Variants in HOXA3 observed in about 807,000 individuals in gnomAD.
The protein encoded by HOXA3 is homeobox A3.
Under a neutral mutation model 30.3 loss-of-function variants are expected in HOXA3, and 8 were observed. The ratio of observed to expected loss-of-function variants is 0.26; its 90% confidence interval spans 0.15 to 0.48. The LOEUF is 0.48. HOXA3 is among the 20% of genes least tolerant of loss of function. The probability of loss-of-function intolerance (pLI) is 0.99; values close to 1 mark genes in which losing one functional copy is unlikely to be tolerated. For missense variants in HOXA3, 653 were observed against 614.4 expected (o/e 1.06, Z -0.66); for synonymous variants, 323 against 273.1 (o/e 1.18, Z -1.80).
Position 27,113,300 on chromosome 7 carries a change from C to T in HOXA3, c.-120-2540G>A, listed in dbSNP as rs888080774. 3.3e-5 allele frequency among the ~76,000 whole-genome samples: 5 copies of T among 152,214 alleles called. No homozygotes were observed. The highest frequency in any genetic ancestry group is 1.2e-4 in the African/African-American group (5 of 41,448). ...ACCTCCGTCCTTCAGACATCGCTCC[C>T]TCTTCCCATTCCCTCCTCTTTCTTA... On this transcript the variant is annotated intron_variant, in intron 4 of 5. Transcript: ENST00000612286. The surrounding 1 kb of genome is among the most constrained non-coding windows in gnomAD (Gnocchi z 4.8).
At chr7:27,147,844 C>G (rs2128063126) in intron 1 of HOXA3, 1 of 1,163,366 alleles carries the variant, frequency 8.6e-7, no homozygotes, top group East Asian at 2.6e-5. Context: ...TCTGGATGGC[C>G]GAACGCCAAA....
rs529903815 is a variant in HOXA3, at chr7:27,130,149, G to A, written c.-389-3079C>T. 9.0e-5 allele frequency: 145 copies of A among 1,603,542 alleles called. 1 individual carries two copies. The South Asian group carries it at 1.4e-3, about 16-fold the overall frequency. On this transcript the variant is annotated intron_variant, in intron 2 of 5. Coordinates refer to ENST00000612286, the MANE Select transcript of HOXA3 (RefSeq NM_153631.3). ...TGACATGGATCTTCTTCATCCAGGG[G>A]TACACCACGGGCTCCTTGCCCTTCA...
chr7:27,130,916 TCCTCCC>T, intron 2 of HOXA3: 1 of 622,322 alleles, frequency 1.6e-6, no homozygotes, highest in Non-Finnish European at 2.8e-6. Context: ...TTCGAGCCGC[TCCTCCC>T]CAGCCCAGCG....
intron 1 of HOXA3, chr7:27,142,590 G>A: frequency 5.3e-6 from 1 of 187,440 alleles, no homozygotes; most frequent in Non-Finnish European, 1.1e-5. Flanking sequence ...GAATCCTGCA[G>A]GCTCTCGCCT....
chr7:27,115,731 A>T (rs910577839), intron 4 of HOXA3: 5 of 152,212 alleles, frequency 3.3e-5, no homozygotes, highest in Admixed American at 2.0e-4. Context: ...GCCCAGGGAG[A>T]TCTGGGGCGG....
chr7:27,147,472 C>G (rs1181569472), intron 1 of HOXA3: 4 of 1,614,012 alleles, frequency 2.5e-6, no homozygotes, highest in African/African-American at 1.3e-5. Flanking sequence ...CTGCTTGCCA[C>G]TGCCCGAGGG....
chr7:27,143,521 G>C (rs1299785201), intron 1 of HOXA3: 2 of 1,613,698 alleles, frequency 1.2e-6, no homozygotes, highest in Non-Finnish European at 1.7e-6. Context: ...GCTCGCTCAC[G>C]GAACTATGAT....
chr7:27,144,210 G>C (rs1330095380), intron 1 of HOXA3, among the ~76,000 whole-genome samples: 1 of 152,198 alleles, frequency 6.6e-6, no homozygotes, highest in Non-Finnish European at 1.5e-5. Flanking sequence ...CCTGCCAGCA[G>C]CTCTGAATTT....
Position 27,144,867 on chromosome 7 carries a change from C to G in HOXA3, c.-493-4681G>C, listed in dbSNP as rs535825381. 1.5e-3 allele frequency among the ~76,000 whole-genome samples: 229 copies of G among 152,368 alleles called. 3 individuals are homozygous for G. Among genetic ancestry groups the G allele is most frequent in the African/African-American group, 5.4e-3 (225 of 41,590 alleles). On this transcript the variant is annotated intron_variant, in intron 1 of 5. Coordinates refer to ENST00000612286, the MANE Select transcript of HOXA3 (RefSeq NM_153631.3). Reference sequence around the variant, plus strand: ...CGTCTGGAAGCCAGGACTCTGGCGGCTCCCATGGCCCTGGGCCCCTCGTTG... The same window carrying G: ...CGTCTGGAAGCCAGGACTCTGGCGGGTCCCATGGCCCTGGGCCCCTCGTTG...
intron 4 of HOXA3, among the ~76,000 whole-genome samples, chr7:27,112,262 C>T (rs1396805403): frequency 6.6e-6 from 1 of 152,046 alleles, no homozygotes; most frequent in Non-Finnish European, 1.5e-5. Context: ...GGTTAACATG[C>T]AATCCAACTA....
At chr7:27,140,031 G>GAGAGAGAGAGAGAGAGAGAGAGAC (rs1303752230) in intron 2 of HOXA3, 52 bp downstream of exon 2, 1 of 135,668 alleles carries the variant, frequency 7.4e-6, no homozygotes, top group Non-Finnish European at 1.6e-5. Flanking sequence ...GAGAGAGAGA[G>GAGAGAGAGAGAGAGAGAGAGAGAC]AAAGTTTCCA....
Position 27,110,733 on chromosome 7 carries a change from C to A in HOXA3, c.-93G>T. 1 of 1,565,686 alleles carries A rather than the reference C, an allele frequency of 6.4e-7. No individual in the cohort carries two copies. The highest frequency in any genetic ancestry group is 8.7e-7 in the Non-Finnish European group (1 of 1,149,838). ...CACGCCCCCGCGGTCACGTGACACT[C>A]CGCCGCCAATGGCCGCCCCGCGCAG... On this transcript the variant is annotated 5_prime_UTR_variant, in exon 5 of 6. Coordinates refer to ENST00000612286, the MANE Select transcript of HOXA3 (RefSeq NM_153631.3).
intron 5 of HOXA3, 84 bp downstream of exon 5, chr7:27,110,031 C>T: frequency 2.6e-6 from 4 of 1,526,942 alleles, no homozygotes; most frequent in Non-Finnish European, 3.6e-6. Flanking sequence ...TCCATCGCTC[C>T]TAGGCTGTGC....
intron 3 of HOXA3, chr7:27,122,900 TC>T (rs1391407023): frequency 1.8e-5 from 2 of 112,788 alleles, no homozygotes; most frequent in African/African-American, 6.1e-5. Context: ...TTCTCCTTTT[TC>T]TTTCTTTTTT....
intron 2 of HOXA3, among the ~76,000 whole-genome samples, chr7:27,132,446 T>C (rs1423566621): frequency 6.6e-6 from 1 of 152,254 alleles, no homozygotes; most frequent in African/African-American, 2.4e-5. Flanking sequence ...GCCTATTATA[T>C]GGGACTAATC....
intron 2 of HOXA3, among the ~76,000 whole-genome samples, chr7:27,131,361 C>T (rs1224987021): frequency 6.6e-6 from 1 of 152,214 alleles, no homozygotes; most frequent in Non-Finnish European, 1.5e-5. Context: ...CCCTTCCCCA[C>T]ACCCTGCTCC....
In HOXA3 at chr7:27,107,656, G is replaced by C. The variant is rs1427570798; in HGVS notation, c.*259C>G. On this transcript the variant is annotated 3_prime_UTR_variant, in exon 6 of 6. Coordinates refer to ENST00000612286, the MANE Select transcript of HOXA3 (RefSeq NM_153631.3). ...GGAGAAGGTAAAGGGTGCAGGGCCA[G>C]TGGCCTATCGAGGAGCAGGAAGAGA... 2.8e-5 allele frequency: 11 copies of C among 392,894 alleles called. No individual in the cohort carries two copies. The allele number at this position is 392,894 out of a possible 1,614,324, so 24.3% of individuals were successfully genotyped here.
At position 27,110,422 on chromosome 7, in the gene HOXA3, G is replaced by A; in HGVS notation, c.219C>T (p.Arg73=). The part of the protein sequence containing the change: ...KAHELSEACL[R]TLSAPPSQPP... Reference sequence around the variant, plus strand: ...GCTGGCTAGGTGGGGCGCTCAGGGTGCGCAGGCACGCCTCACTCAGTTCGT... The same window carrying A: ...GCTGGCTAGGTGGGGCGCTCAGGGTACGCAGGCACGCCTCACTCAGTTCGT... Residue 73 remains arginine, a synonymous_variant, in exon 5 of 6, where the codon CGC becomes CGT. Transcript: ENST00000612286. 1 of 1,554,276 alleles carries A rather than the reference G, an allele frequency of 6.4e-7. No individual in the cohort carries two copies. The highest frequency in any genetic ancestry group is 8.7e-7 in the Non-Finnish European group (1 of 1,151,744).
chr7:27,110,589 A>T lies in HOXA3; in HGVS notation c.52T>A (p.Tyr18Asn). The change falls in exon 5 of 6, where the codon TAC (tyrosine) becomes AAC (asparagine). Residue 18 changes from tyrosine to asparagine, a missense_variant. Coordinates refer to ENST00000612286, the MANE Select transcript of HOXA3 (RefSeq NM_153631.3). ...DSSAIYGGYPYQAANGFAYNA... is the reference protein window; with the variant it reads ...DSSAIYGGYPNQAANGFAYNA... ...TAAGCGAACCCGTTGGCTGCCTGGT[A>T]GGGGTAGCCACCGTAGATCGCCGAG... is the stretch of plus-strand genomic sequence containing the variant. The T allele has an allele frequency of 1.9e-6, 3 of 1,607,390 alleles. No individual in the cohort carries two copies. The South Asian group carries it at 3.3e-5, about 18-fold the overall frequency.
Sources: gnomAD v4.1 joint callset for allele counts (sites outside exome capture counted in the v4.1 genomes callset) on GRCh38, gnomAD v4.1.1 for gene constraint, Gnocchi (gnomAD v3.1) non-coding constraint, MANE v1.5 for transcripts, NCBI Gene and HGNC (gene_info 2026-07-23, HGNC 2026-07-21) for gene names.